SLCO4A1: variants seen among roughly 807,000 people sequenced by gnomAD.
SLCO4A1 encodes the protein solute carrier organic anion transporter family member 4A1, also known as colon organic anion transporter.
In SLCO4A1, 51 loss-of-function variants were observed where a neutral mutation model predicts 64.6. That is an observed-to-expected ratio of 0.79 (90% CI 0.63 to 1.00). The LOEUF (loss-of-function observed/expected upper bound fraction) is 1.00. Ranked by LOEUF, SLCO4A1 falls within the 50% of genes least tolerant of loss-of-function variation. The pLI is 0.00. For missense variants in SLCO4A1, 919 were observed against 980.5 expected (o/e 0.94, Z 0.84); for synonymous variants, 471 against 444.9 (o/e 1.06, Z -0.74).
chr20:62,667,559 A>G lies in SLCO4A1; in HGVS notation c.1473-186A>G, dbSNP rs946338858. 2.0e-4 allele frequency: 130 copies of G among 658,138 alleles called. No individual in the cohort carries two copies. In the East Asian group the frequency reaches 3.6e-3, roughly 18 times the overall value. 40.8% of individuals were successfully genotyped at this position (658,138 alleles called of 1,614,324 possible). On this transcript the variant is annotated intron_variant, in intron 7 of 11. Transcript: ENST00000217159. ...CTTCCTTGCGTGAGGAGGAAAAACC[A>G]TTCTATCACCAGAAGGCAGTGCCCA...
rs138553999 is a variant in SLCO4A1 at position 62,667,702 on chromosome 20, G to A, written c.1473-43G>A. On this transcript the variant is annotated intron_variant, in intron 7 of 11. Transcript: ENST00000217159. ...CCTGTGCCTGCTGGGCGCCAGCATG[G>A]CTCTGGCCTGGACCCTACCACTCGC... The A allele has an allele frequency of 9.6e-3, 15,104 of 1,572,248 alleles. 134 individuals are homozygous for A. Among genetic ancestry groups the A allele is most frequent in the South Asian group, 0.03 (2,572 of 85,762 alleles).
intron 1 of SLCO4A1, among the ~76,000 whole-genome samples, chr20:62,655,155 A>G (rs560940369): frequency 2.6e-5 from 4 of 152,292 alleles, no homozygotes; most frequent in African/African-American, 9.6e-5. Context: ...GGTGCCCCAG[A>G]TGGCAAGCAC....
rs201252224 is a variant in SLCO4A1, at chr20:62,668,955, C to T, written c.1902C>T (p.Phe634=). The change falls in exon 11 of 12, where the codon TTC becomes TTT. Residue 634 remains phenylalanine (F), a synonymous_variant. Transcript: ENST00000217159. The stretch of plus-strand genomic sequence containing the variant: ...GGGGCATCCCGGGGCCCATCGCCTT[C>T]GGCTGGGTGATCGACAAGGCCTGTC... ...ILGGIPGPIA[F]GWVIDKACLL... 208 of 1,607,282 alleles carry T rather than the reference C, an allele frequency of 1.3e-4. No individual in the cohort carries two copies. Among genetic ancestry groups the T allele is most frequent in the Admixed American group, 7.2e-4 (43 of 60,026 alleles).
rs2147085629 is a variant in SLCO4A1 at position 62,661,031 on chromosome 20, C to CCCCCAGT, written c.1010-27_1010-26insTCCCCAG. 1.1e-6 allele frequency: 1 copy of CCCCCAGT among 944,604 alleles called. No individual in the cohort carries two copies. The highest frequency in any genetic ancestry group is 1.7e-5 in the Admixed American group (1 of 58,144). 58.5% of individuals were successfully genotyped at this position (944,604 alleles called of 1,614,324 possible). A position where few individuals can be genotyped will look rare whatever the true frequency, so the allele number is the denominator to read the frequency against. On this transcript the variant is annotated intron_variant, in intron 4 of 11. Coordinates refer to ENST00000217159, the MANE Select transcript of SLCO4A1 (RefSeq NM_016354.4). This position sits in a 1 kb window ranked among gnomAD's most constrained non-coding sequence, Gnocchi z 5.2. ...GAAGTCCACCTCCGGGAGCCCCCAG[C>CCCCCAGT]CCCCAGCCCCAGCTCACTCTGTGCC... is the stretch of plus-strand genomic sequence containing the variant.
chr20:62,661,158 C>T lies in SLCO4A1; in HGVS notation c.1104C>T (p.Thr368=), dbSNP rs1271280223. 3.7e-6 allele frequency: 6 copies of T among 1,612,544 alleles called. No individual in the cohort carries two copies. In the African/African-American group the frequency reaches 4.0e-5, roughly 11 times the overall value. ...CGAGCAACCCGGACTTTGGGAAAAC[C>T]ATCAGAGACCTGCCTCTGTAAGGAC... The part of the protein sequence containing the change: ...GEASNPDFGK[T]IRDLPLSIWL... The change falls in exon 5 of 12, where the codon ACC becomes ACT. Residue 368 remains threonine (T), a synonymous_variant. Coordinates refer to ENST00000217159, the MANE Select transcript of SLCO4A1 (RefSeq NM_016354.4). The surrounding 1 kb of genome is among the most constrained non-coding windows in gnomAD (Gnocchi z 5.2).
intron 1 of SLCO4A1, chr20:62,650,275 A>G (rs1384003808): frequency 2.0e-5 from 3 of 152,414 alleles, no homozygotes; most frequent in Non-Finnish European, 4.4e-5. Context: ...AGGATGCCAG[A>G]AAGAAGAATC....
At chr20:62,675,413 G>A (rs1053029802), downstream of SLCO4A1, among the ~76,000 whole-genome samples, 1 of 152,168 alleles carries the variant, frequency 6.6e-6, no homozygotes, top group Non-Finnish European at 1.5e-5. Context: ...GAGCTGCGGG[G>A]TCTCTGCAGC....
chr20:62,670,604 G>A (rs1447914029), intron 11 of SLCO4A1, among the ~76,000 whole-genome samples: 1 of 152,148 alleles, frequency 6.6e-6, no homozygotes, highest in East Asian at 1.9e-4. Flanking sequence ...CGGATGAGGG[G>A]GCTGCTGTAC....
At position 62,661,041 on chromosome 20, in the gene SLCO4A1, C is replaced by CCCCCCCCCCCCCCCCCCACACA; in HGVS notation, c.1010-23_1010-22insCCCCCCCCCCCCCCCCCACACA. 7.0e-7 allele frequency: 1 copy of CCCCCCCCCCCCCCCCCCACACA among 1,424,144 alleles called. No individual in the cohort carries two copies. The allele number at this position is 1,424,144 out of a possible 1,614,324, so 88.2% of individuals were successfully genotyped here. Reference sequence around the variant, plus strand: ...TCCGGGAGCCCCCAGCCCCCAGCCCCAGCTCACTCTGTGCCCTTCCAGGCT... The same window carrying CCCCCCCCCCCCCCCCCCACACA: ...TCCGGGAGCCCCCAGCCCCCAGCCCCCCCCCCCCCCCCCCCCCACACAAGCTCACTCTGTGCCCTTCCAGGCT... On this transcript the variant is annotated intron_variant, in intron 4 of 11. Transcript: ENST00000217159. The surrounding 1 kb of genome is among the most constrained non-coding windows in gnomAD (Gnocchi z 5.2).
In SLCO4A1 at chr20:62,681,509, C is replaced by T. The variant is rs537810030; in HGVS notation, n.212-3932C>T. Among the ~76,000 whole-genome samples, 27 of 113,440 alleles carry T rather than the reference C, an allele frequency of 2.4e-4. 1 individual carries two copies. In the South Asian group the frequency reaches 2.9e-3, roughly 12 times the overall value. 74.4% of individuals were successfully genotyped at this position (113,440 alleles called of 152,430 possible). A position where few individuals can be genotyped will look rare whatever the true frequency, so the allele number is the denominator to read the frequency against. On this transcript the variant is annotated intron_variant and non_coding_transcript_variant, in intron 2 of 2. Coordinates refer to the SLCO4A1 transcript ENST00000466818. ...CTGTGTGTACACACTCATGTGTGCG[C>T]GTGTTTATTAAGCCGTGTGTACACA...
At chr20:62,664,029 G>A (rs1015898342) in intron 5 of SLCO4A1, among the ~76,000 whole-genome samples, 1 of 151,764 alleles carries the variant, frequency 6.6e-6, no homozygotes, top group Admixed American at 6.6e-5. Context: ...AGGCAGCCCC[G>A]ACGCACTGCT....
At position 62,679,601 on chromosome 20, in the gene SLCO4A1, G is replaced by A. The variant is rs749685995; in HGVS notation, n.212-5840G>A. Reference sequence around the variant, plus strand: ...TCGTTTCGAACTCCTGAGTTCAAGCGATCCTCCTGCATTGGCCTCCCAAAG... The same window carrying A: ...TCGTTTCGAACTCCTGAGTTCAAGCAATCCTCCTGCATTGGCCTCCCAAAG... On this transcript the variant is annotated intron_variant and non_coding_transcript_variant, in intron 2 of 2. Coordinates refer to the SLCO4A1 transcript ENST00000466818. Among the ~76,000 whole-genome samples, 8 of 152,152 alleles carry A rather than the reference G, an allele frequency of 5.3e-5. No homozygotes were observed. The East Asian group carries it at 5.8e-4, about 11-fold the overall frequency.
At position 62,671,848 on chromosome 20, in the gene SLCO4A1, AG is replaced by A. The variant is rs1296604898; in HGVS notation, c.2125del (p.Ala709ProfsTer54). ...LETCLPSQSSAPDSATDSQLQ... is the reference protein window; with the variant it reads ...LETCLPSQSSXPDSATDSQLQ... The stretch of plus-strand genomic sequence containing the variant: ...AAACTTGTCTGCCCAGCCAGTCCTC[AG>A]CCCCTGACAGTGCCACAGATAGCCA... On this transcript the variant is annotated frameshift_variant, in exon 12 of 12. Coordinates refer to ENST00000217159, the MANE Select transcript of SLCO4A1 (RefSeq NM_016354.4). LOFTEE classifies it high-confidence loss of function. 6.2e-7 allele frequency: 1 copy of A among 1,613,444 alleles called. No homozygotes were observed. The highest frequency in any genetic ancestry group is 8.5e-7 in the Non-Finnish European group (1 of 1,180,028).
chr20:62,684,435 T>A (rs1291841195), intron 2 of SLCO4A1, among the ~76,000 whole-genome samples: 1 of 152,174 alleles, frequency 6.6e-6, no homozygotes, highest in Non-Finnish European at 1.5e-5. Flanking sequence ...TCAGAGCTCA[T>A]CAGCCAACCC....
At chr20:62,688,287 C>T (rs1441436990), downstream of SLCO4A1, among the ~76,000 whole-genome samples, 4 of 152,276 alleles carry the variant, frequency 2.6e-5, no homozygotes, top group Middle Eastern at 3.4e-3. Context: ...GTCCTGCCCG[C>T]GGCCCCCCAC....
Position 62,671,761 on chromosome 20 carries a change from C to T in SLCO4A1, c.2037C>T (p.Val679=). Residue 679 remains valine, a synonymous_variant, in exon 12 of 12, where the codon GTC becomes GTT. Coordinates refer to ENST00000217159, the MANE Select transcript of SLCO4A1 (RefSeq NM_016354.4). The part of the protein sequence containing the change: ...IMGLLYKVLG[V]LFFAIACFLY... ...TCCTCTCTCCCCAGGTGCTGGGCGTCCTCTTCTTTGCCATAGCCTGCTTCT... is the reference window on the plus strand; with the variant it reads ...TCCTCTCTCCCCAGGTGCTGGGCGTTCTCTTCTTTGCCATAGCCTGCTTCT... 6.2e-7 allele frequency: 1 copy of T among 1,613,470 alleles called. No homozygotes were observed. Among genetic ancestry groups the T allele is most frequent in the Non-Finnish European group, 8.5e-7 (1 of 1,179,866 alleles).
Position 62,681,451 on chromosome 20 carries a change from A to G in SLCO4A1, n.212-3990A>G, listed in dbSNP as rs62199948. Among the ~76,000 whole-genome samples the G allele has an allele frequency of 5.2e-3, 730 of 141,564 alleles. 5 individuals are homozygous for G. The highest frequency in any genetic ancestry group is 9.0e-3 in the Non-Finnish European group (601 of 66,418). The allele number at this position is 141,564 out of a possible 152,430, so 92.9% of individuals were successfully genotyped here. A position where few individuals can be genotyped will look rare whatever the true frequency, so the allele number is the denominator to read the frequency against. Reference sequence around the variant, plus strand: ...GTGTACACACTCGTGTGTGTGTATTAAGCCGTGTGTACACACTCGTGTGTG... The same window carrying G: ...GTGTACACACTCGTGTGTGTGTATTGAGCCGTGTGTACACACTCGTGTGTG... On this transcript the variant is annotated intron_variant and non_coding_transcript_variant, in intron 2 of 2. Transcript: ENST00000466818.
At chr20:62,686,181 G>A (rs999156510), downstream of SLCO4A1, among the ~76,000 whole-genome samples, 3 of 152,166 alleles carry the variant, frequency 2.0e-5, no homozygotes, top group Non-Finnish European at 4.4e-5. Context: ...GAGTGTCTCC[G>A]TGTAGCTCCC....
At chr20:62,670,175 C>T (rs570756400) in intron 11 of SLCO4A1, 14 of 152,286 alleles carry the variant, frequency 9.2e-5, no homozygotes, top group African/African-American at 3.1e-4. Context: ...AGGCCCAAGC[C>T]CTCTGTGATA....
Sources: allele counts gnomAD v4.1 joint callset (sites outside exome capture counted in the v4.1 genomes callset), GRCh38; gene constraint gnomAD v4.1.1; non-coding constraint Gnocchi (gnomAD v3.1); transcripts MANE v1.5; gene names NCBI Gene and HGNC (gene_info 2026-07-23, HGNC 2026-07-21).